ZNF138: variants seen among roughly 807,000 people sequenced by gnomAD.
The protein encoded by ZNF138 is zinc finger protein 138.
In ZNF138, 33 loss-of-function variants were observed where a neutral mutation model predicts 33.0. The observed-to-expected ratio is 1.00, with a 90% CI of 0.76 to 1.34. ZNF138 has a LOEUF of 1.34. Among genes scored for constraint, ZNF138 ranks in the 40% most tolerant of loss-of-function variants. The pLI is 0.00. For missense variants in ZNF138, 360 were observed against 370.8 expected, an observed-to-expected ratio of 0.97 and a Z score of 0.24; for synonymous variants, 139 against 120.4, an observed-to-expected ratio of 1.15 and a Z score of -1.01.
At chr7:64,820,247 GGC>G (rs1789019701) in intron 3 of ZNF138, among the ~76,000 whole-genome samples, 1 of 151,212 alleles carries the variant, frequency 6.6e-6, no homozygotes, top group Non-Finnish European at 1.5e-5. Flanking sequence ...ATTTTATGGG[GGC>G]GGAGTGTGAC....
the ZNF138 span, among the ~76,000 whole-genome samples, chr7:64,847,332 A>ATATATATAT: frequency 5.5e-4 from 71 of 128,112 alleles, no homozygotes; most frequent in South Asian, 5.0e-3. Flanking sequence ...ATATATATAT[A>ATATATATAT]TTTTTTTTTT....
chr7:64,853,453 G>A, the ZNF138 span: 2 of 653,914 alleles, frequency 3.1e-6, no homozygotes, highest in East Asian at 5.1e-5. Flanking sequence ...TGCGCCCCGA[G>A]TTAAACTTTT....
downstream of ZNF138, chr7:64,836,633 T>C (rs1326384497): frequency 2.0e-5 from 3 of 152,162 alleles, no homozygotes; most frequent in Non-Finnish European, 2.9e-5. Flanking sequence ...ACATAGAACA[T>C]TGGGTCAGAT....
chr7:64,839,149 C>T, the ZNF138 span, among the ~76,000 whole-genome samples: 3 of 152,236 alleles, frequency 2.0e-5, no homozygotes, highest in African/African-American at 4.8e-5. Flanking sequence ...TTGGTAAGGT[C>T]GTTTAGGATA....
the ZNF138 span, among the ~76,000 whole-genome samples, chr7:64,859,783 G>A: frequency 6.6e-6 from 1 of 152,132 alleles, no homozygotes; most frequent in African/African-American, 2.4e-5. Flanking sequence ...AATTATACTT[G>A]TCTCTGTCTT....
the ZNF138 span, among the ~76,000 whole-genome samples, chr7:64,858,071 T>C: frequency 1.3e-5 from 2 of 152,238 alleles, no homozygotes; most frequent in African/African-American, 4.8e-5. Flanking sequence ...TAGCTTTTGG[T>C]CAAATATTAC....
intron 1 of ZNF138, among the ~76,000 whole-genome samples, chr7:64,800,629 G>T (rs1007609658): frequency 1.3e-5 from 2 of 152,144 alleles, no homozygotes; most frequent in Non-Finnish European, 2.9e-5. Flanking sequence ...GGTCCTCAAG[G>T]ATATTTGCAT....
chr7:64,812,506 G>A (rs1223896898), intron 1 of ZNF138, among the ~76,000 whole-genome samples: 1 of 152,228 alleles, frequency 6.6e-6, no homozygotes, highest in South Asian at 2.1e-4. Context: ...CACAGGACTG[G>A]TTCTATTTGG....
At chr7:64,845,334 GC>G in the ZNF138 span, among the ~76,000 whole-genome samples, 362 of 152,322 alleles carry the variant, frequency 2.4e-3, no homozygotes, top group Non-Finnish European at 2.8e-3. Flanking sequence ...TGATTGATGG[GC>G]ATTTAGGTTT....
At position 64,831,710 on chromosome 7, in the gene ZNF138, A is replaced by G. The variant is rs774123744; in HGVS notation, c.468A>G (p.Arg156=). 9.9e-6 allele frequency: 16 copies of G among 1,610,010 alleles called. No homozygotes were observed. Among genetic ancestry groups the G allele is most frequent in the East Asian group, 2.2e-5 (1 of 44,836 alleles). ...KVMHKFSNSN[R]HKIRHTENKH... The stretch of plus-strand genomic sequence containing the variant: ...TGCATAAATTTTCAAATTCAAATAG[A>G]CACAAGATAAGACATACTGAAAATA... The change falls in exon 4 of 4, where the codon AGA becomes AGG. Residue 156 remains arginine, a synonymous_variant. Coordinates refer to ENST00000307355, the MANE Select transcript of ZNF138 (RefSeq NM_001271639.2).
At chr7:64,859,250 C>T in the ZNF138 span, among the ~76,000 whole-genome samples, 1 of 152,104 alleles carries the variant, frequency 6.6e-6, no homozygotes, top group Non-Finnish European at 1.5e-5. Flanking sequence ...TAGTGATACT[C>T]AGATATGTTC....
At chr7:64,797,503 G>T (rs1158308202) in intron 1 of ZNF138, among the ~76,000 whole-genome samples, 1 of 152,110 alleles carries the variant, frequency 6.6e-6, no homozygotes, top group Non-Finnish European at 1.5e-5. Context: ...CTAATATTGA[G>T]CCTACAAAGG....
the ZNF138 span, among the ~76,000 whole-genome samples, chr7:64,851,884 G>C: frequency 1.2e-3 from 182 of 152,304 alleles, 1 homozygote; most frequent in African/African-American, 3.7e-3. Context: ...CTTGAGAGAA[G>C]ACTAGGCTTT....
At chr7:64,818,737 G>A (rs887409443) in intron 3 of ZNF138, among the ~76,000 whole-genome samples, 3 of 149,194 alleles carry the variant, frequency 2.0e-5, no homozygotes, top group South Asian at 2.1e-4. Flanking sequence ...GTGACAGAGC[G>A]AGACTCCATC....
At chr7:64,839,475 G>A in the ZNF138 span, among the ~76,000 whole-genome samples, 10 of 152,258 alleles carry the variant, frequency 6.6e-5, no homozygotes, top group African/African-American at 1.7e-4. Flanking sequence ...CGTCAATGCC[G>A]ATTTGGACTT....
At chr7:64,852,757 T>C in the ZNF138 span, 1 of 897,510 alleles carries the variant, frequency 1.1e-6, no homozygotes, top group South Asian at 1.3e-5. Context: ...TCCCCAGGGG[T>C]TTTGTCAACA....
downstream of ZNF138, chr7:64,835,662 T>G (rs1200023178): frequency 1.3e-5 from 2 of 152,196 alleles, no homozygotes; most frequent in Non-Finnish European, 2.9e-5. Flanking sequence ...CTCCTTTTTC[T>G]GCTGTAAGCA....
chr7:64,859,235 A>C, the ZNF138 span, among the ~76,000 whole-genome samples: 4 of 152,100 alleles, frequency 2.6e-5, no homozygotes, highest in African/African-American at 9.7e-5. Context: ...CAACTTTGTC[A>C]TTTTTAGTGA....
At chr7:64,813,582 C>A (rs562876640) in intron 1 of ZNF138, among the ~76,000 whole-genome samples, 3 of 151,966 alleles carry the variant, frequency 2.0e-5, no homozygotes, top group African/African-American at 7.3e-5. Context: ...TACAGGTGCC[C>A]GCCACCACGC....
Sources: allele counts gnomAD v4.1 joint callset (sites outside exome capture counted in the v4.1 genomes callset), GRCh38; gene constraint gnomAD v4.1.1; transcripts MANE v1.5; gene names NCBI Gene and HGNC (gene_info 2026-07-23, HGNC 2026-07-21).